The following TAGLN variants were observed in gnomAD, a reference collection of about 807,000 sequenced individuals.
TAGLN encodes the protein 22 kDa actin-binding protein.
In TAGLN, 16 loss-of-function variants were observed where a neutral mutation model predicts 21.9. The observed-to-expected ratio is 0.73, with a 90% CI of 0.49 to 1.11. The LOEUF is 1.11. Among genes scored for constraint, TAGLN ranks in the 50% least tolerant of loss-of-function variants. TAGLN has a pLI of 0.00. For synonymous variants in TAGLN, 96 were observed against 94.9 expected, an observed-to-expected ratio of 1.01 and a Z score of -0.06; for missense variants, 248 against 263.2, an observed-to-expected ratio of 0.94 and a Z score of 0.40.
intron 1 of TAGLN, among the ~76,000 whole-genome samples, chr11:117,200,616 C>G (rs2031053205): frequency 1.3e-5 from 2 of 152,168 alleles, no homozygotes; most frequent in Non-Finnish European, 1.5e-5. Context: ...ACTTTTCGAC[C>G]CTGACCCAGG....
Position 117,206,155 on chromosome 11 carries a change from C to G in TAGLN, c.*1796C>G. ...GGAGGGCCCCTGCTCTCTGTTTCCA[C>G]TTCGTCTGGATCCTTGCTGCTGCAA... On this transcript the variant is annotated 3_prime_UTR_variant, in exon 5 of 5. Coordinates refer to ENST00000392951, the MANE Select transcript of TAGLN (RefSeq NM_003186.5). 6.2e-7 allele frequency: 1 copy of G among 1,611,966 alleles called. No individual in the cohort carries two copies. Among genetic ancestry groups the G allele is most frequent in the South Asian group, 1.1e-5 (1 of 90,906 alleles).
chr11:117,202,244 A>C (rs911443573), intron 1 of TAGLN: 2 of 152,258 alleles, frequency 1.3e-5, no homozygotes, highest in Non-Finnish European at 2.9e-5. Flanking sequence ...GGTGTCTCTG[A>C]TTTCTCTGAG....
chr11:117,203,415 T>G lies in TAGLN; in HGVS notation c.289T>G (p.Phe97Val). ...CAAGCAGATGGAGCAGGTGGCTCAG[T>G]TCCTGAAGGCGGCTGAGGACTATGG... ...VFKQMEQVAQ[F>V]LKAAEDYGVI... is the part of the protein sequence containing the mutation. The change falls in exon 3 of 5, where the codon TTC becomes GTC. Residue 97 changes from phenylalanine to valine, a missense_variant. By Grantham distance (50) the Phe-to-Val change is conservative (BLOSUM62 -1). Coordinates refer to ENST00000392951, the MANE Select transcript of TAGLN (RefSeq NM_003186.5). The surrounding 1 kb of genome is among the most constrained non-coding windows in gnomAD (Gnocchi z 4.4). 1 of 1,614,180 alleles carries G rather than the reference T, an allele frequency of 6.2e-7. No individual in the cohort carries two copies. Among genetic ancestry groups the G allele is most frequent in the Non-Finnish European group, 8.5e-7 (1 of 1,180,026 alleles).
chr11:117,203,909 G>T lies in TAGLN; in HGVS notation c.461+25G>T. ...AGTATGTGGCCCCCAGGGAGCTTGGGTCTCCGCATGGGGTGGGAGGTGGCT... is the reference window on the plus strand; with the variant it reads ...AGTATGTGGCCCCCAGGGAGCTTGGTTCTCCGCATGGGGTGGGAGGTGGCT... On this transcript the variant is annotated intron_variant, in intron 4 of 4. Transcript: ENST00000392951. This position sits in a 1 kb window ranked among gnomAD's most constrained non-coding sequence, Gnocchi z 4.4. The T allele has an allele frequency of 1.3e-6, 2 of 1,587,330 alleles. No individual in the cohort carries two copies. The highest frequency in any genetic ancestry group is 1.7e-4 in the Middle Eastern group (1 of 6,024).
chr11:117,200,977 G>C (rs2031069480), intron 1 of TAGLN, among the ~76,000 whole-genome samples: 1 of 152,130 alleles, frequency 6.6e-6, no homozygotes, highest in Non-Finnish European at 1.5e-5. Flanking sequence ...CAGAGGCTGG[G>C]GTGGATGGAA....
Position 117,203,913 on chromosome 11 carries a change from C to T in TAGLN, c.461+29C>T, listed in dbSNP as rs1209571882. The T allele has an allele frequency of 1.3e-6, 2 of 1,580,726 alleles. No individual in the cohort carries two copies. Among genetic ancestry groups the T allele is most frequent in the African/African-American group, 2.7e-5 (2 of 74,154 alleles). ...TGTGGCCCCCAGGGAGCTTGGGTCTCCGCATGGGGTGGGAGGTGGCTTGTT... is the reference window on the plus strand; with the variant it reads ...TGTGGCCCCCAGGGAGCTTGGGTCTTCGCATGGGGTGGGAGGTGGCTTGTT... On this transcript the variant is annotated intron_variant, in intron 4 of 4. Transcript: ENST00000392951. This position sits in a 1 kb window ranked among gnomAD's most constrained non-coding sequence, Gnocchi z 4.4.
chr11:117,199,902 C>G (rs2031013894), intron 1 of TAGLN: 1 of 152,252 alleles, frequency 6.6e-6, no homozygotes, highest in Admixed American at 6.5e-5. Context: ...GCCTGAGCAG[C>G]AGCGATAGCC....
intron 1 of TAGLN, 99 bp from the exon 2 acceptor site, chr11:117,202,903 G>T: frequency 8.9e-7 from 1 of 1,129,082 alleles, no homozygotes; most frequent in East Asian, 2.7e-5. Flanking sequence ...TAGGATGGCC[G>T]GGTATCCTGC....
intron 1 of TAGLN, chr11:117,200,378 T>G (rs757977745): frequency 5.9e-5 from 9 of 152,464 alleles, no homozygotes; most frequent in Admixed American, 3.3e-4. Flanking sequence ...ACCCTGGACT[T>G]TCTTTCTCCA....
At chr11:117,200,672 T>C (rs2031055637) in intron 1 of TAGLN, among the ~76,000 whole-genome samples, 1 of 151,808 alleles carries the variant, frequency 6.6e-6, no homozygotes, top group African/African-American at 2.4e-5. Flanking sequence ...GTGGGGATGG[T>C]GTGTGCTTCA....
At position 117,204,865 on chromosome 11, in the gene TAGLN, G is replaced by A. The variant is rs927081916; in HGVS notation, c.*506G>A. 8.6e-6 allele frequency: 2 copies of A among 233,794 alleles called. No individual in the cohort carries two copies. The highest frequency in any genetic ancestry group is 7.1e-5 in the East Asian group (1 of 14,142). The allele number at this position is 233,794 out of a possible 1,614,324, so 14.5% of individuals were successfully genotyped here. ...TTCAGATCTGCGCAGGGGACAGGCAGGCATCTCGGGCTTGTATGTGTTCCT... is the reference window on the plus strand; with the variant it reads ...TTCAGATCTGCGCAGGGGACAGGCAAGCATCTCGGGCTTGTATGTGTTCCT... On this transcript the variant is annotated 3_prime_UTR_variant, in exon 5 of 5. Transcript: ENST00000392951.
rs995217611 is a variant in TAGLN at position 117,203,700 on chromosome 11, G to A, written c.359-82G>A. Reference sequence around the variant, plus strand: ...TTGGCCCTGGTTTGGCCATTTTTTTGTGAGAGACGGGGGCAGGCCCTGGCT... The same window carrying A: ...TTGGCCCTGGTTTGGCCATTTTTTTATGAGAGACGGGGGCAGGCCCTGGCT... On this transcript the variant is annotated intron_variant, in intron 3 of 4. Coordinates refer to ENST00000392951, the MANE Select transcript of TAGLN (RefSeq NM_003186.5). This position sits in a 1 kb window ranked among gnomAD's most constrained non-coding sequence, Gnocchi z 4.4. 6.2e-6 allele frequency: 9 copies of A among 1,462,684 alleles called. No homozygotes were observed. The highest frequency in any genetic ancestry group is 5.7e-6 in the Non-Finnish European group (6 of 1,060,612). 90.6% of individuals were successfully genotyped at this position (1,462,684 alleles called of 1,614,324 possible). A position where few individuals can be genotyped will look rare whatever the true frequency, so the allele number is the denominator to read the frequency against.
chr11:117,202,185 TAGCCTTACGAGAGCGTAAGGGC>T (rs1350798063), intron 1 of TAGLN: 1 of 152,218 alleles, frequency 6.6e-6, no homozygotes, highest in Non-Finnish European at 1.5e-5. Flanking sequence ...TCCGTAAGGG[TAGCCTTACGAGAGCGTAAGGGC>T]ATGAGGGGAA....
rs1307828635 is a variant in TAGLN at position 117,205,252 on chromosome 11, G to A, written c.*893G>A. ...CCTGTCAGGCAGATAGCTGGCCTCC[G>A]GCGGGAAGGCCATTTCCCTGAGCAC... On this transcript the variant is annotated 3_prime_UTR_variant, in exon 5 of 5. Coordinates refer to ENST00000392951, the MANE Select transcript of TAGLN (RefSeq NM_003186.5). 2.1e-5 allele frequency: 5 copies of A among 233,582 alleles called. No homozygotes were observed. Among genetic ancestry groups the A allele is most frequent in the East Asian group, 1.2e-4 (2 of 16,588 alleles). The allele number at this position is 233,582 out of a possible 1,614,324, so 14.5% of individuals were successfully genotyped here.
rs1294835246 is a variant in TAGLN at position 117,206,506 on chromosome 11, G to A, written c.*2147G>A. On this transcript the variant is annotated 3_prime_UTR_variant, in exon 5 of 5. Transcript: ENST00000392951. ...TCCCTCTGCCCCCTCCCCCGACAAG[G>A]CCTGTCCTGTAAGAGTTAGGCTAGC... is the stretch of plus-strand genomic sequence containing the variant. 1 of 995,690 alleles carries A rather than the reference G, an allele frequency of 1.0e-6. No individual in the cohort carries two copies. Among genetic ancestry groups the A allele is most frequent in the Non-Finnish European group, 1.4e-6 (1 of 695,524 alleles). The allele number at this position is 995,690 out of a possible 1,614,324, so 61.7% of individuals were successfully genotyped here. A position where few individuals can be genotyped will look rare whatever the true frequency, so the allele number is the denominator to read the frequency against.
rs2031353586 is a variant in TAGLN, at chr11:117,206,049, C to T, written c.*1690C>T. On this transcript the variant is annotated 3_prime_UTR_variant, in exon 5 of 5. Coordinates refer to ENST00000392951, the MANE Select transcript of TAGLN (RefSeq NM_003186.5). The stretch of plus-strand genomic sequence containing the variant: ...CGGTACGTCTAGGTGCTGATGAGGG[C>T]AGTCCAGGGCGCTCTTGTTCTGGGA... The T allele has an allele frequency of 1.5e-6, 2 of 1,360,756 alleles. No individual in the cohort carries two copies. Among genetic ancestry groups the T allele is most frequent in the East Asian group, 4.8e-5 (2 of 41,558 alleles). 84.3% of individuals were successfully genotyped at this position (1,360,756 alleles called of 1,614,324 possible).
chr11:117,204,045 T>C, intron 4 of TAGLN, 161 bp downstream of exon 4: 2 of 1,129,132 alleles, frequency 1.8e-6, no homozygotes, highest in Non-Finnish European at 2.5e-6. Flanking sequence ...GACCCCTCCC[T>C]TTCCACCCTC....
In TAGLN at chr11:117,203,482, A is replaced by G; in HGVS notation, c.356A>G (p.Glu119Gly). 1 of 1,613,454 alleles carries G rather than the reference A, an allele frequency of 6.2e-7. No homozygotes were observed. Among genetic ancestry groups the G allele is most frequent in the Non-Finnish European group, 8.5e-7 (1 of 1,179,474 alleles). The change falls in exon 3 of 5, where the codon GAA becomes GGA. Residue 119 changes from glutamate to glycine, a missense_variant and splice_region_variant. Physicochemically the swap from Glu to Gly is moderately conservative, Grantham distance 98. Transcript: ENST00000392951. This position sits in a 1 kb window ranked among gnomAD's most constrained non-coding sequence, Gnocchi z 4.4. ...ATGTTCCAGACTGTTGACCTCTTTG[A>G]AGGTAGAGAGGAAGAGGCTGGGGGA... ...TDMFQTVDLF[E>G]GKDMAAVQRT...
Position 117,206,275 on chromosome 11 carries a change from C to T in TAGLN, c.*1916C>T, listed in dbSNP as rs760903565. ...CCACTCCTACAAACTTGATTGGAAG[C>T]CACATTCCTCTGGCTCAAATATACT... On this transcript the variant is annotated 3_prime_UTR_variant, in exon 5 of 5. Transcript: ENST00000392951. 1.2e-6 allele frequency: 2 copies of T among 1,614,180 alleles called. No homozygotes were observed. Among genetic ancestry groups the T allele is most frequent in the Non-Finnish European group, 1.7e-6 (2 of 1,180,016 alleles).
Sources: gnomAD v4.1 joint callset for allele counts (sites outside exome capture counted in the v4.1 genomes callset) on GRCh38, gnomAD v4.1.1 for gene constraint, Gnocchi (gnomAD v3.1) non-coding constraint, MANE v1.5 for transcripts, NCBI Gene and HGNC (gene_info 2026-07-23, HGNC 2026-07-21) for gene names.